Variants in FRMPD4 observed in about 807,000 individuals in gnomAD.
The protein encoded by FRMPD4 is FERM and PDZ domain containing 4, also known as FERM and PDZ domain-containing protein 4.
FRMPD4 carries 22 observed loss-of-function variants against 94.1 expected under a neutral mutation model. The ratio of observed to expected loss-of-function variants is 0.23; its 90% CI spans 0.17 to 0.33. The LOEUF (loss-of-function observed/expected upper bound fraction) is 0.33, where lower values mean the gene tolerates loss of function less well. Ranked by LOEUF, FRMPD4 falls within the 10% of genes least tolerant of loss-of-function variation. The pLI, the probability that FRMPD4 is intolerant of heterozygous loss-of-function variation, is 1.00. For missense variants in FRMPD4, 1,111 were observed against 1,339.9 expected (o/e 0.83, Z 2.67); for synonymous variants, 631 against 548.6 (o/e 1.15, Z -2.10).
At chrX:12,336,980 C>T (rs1304020392) in intron 1 of FRMPD4, among the ~76,000 whole-genome samples, 3 of 110,886 alleles carry the variant, frequency 2.7e-5, no homozygotes, top group African/African-American at 9.9e-5. Context: ...TTGAGTGGGA[C>T]TGAACACTGC....
chrX:12,533,597 T>C (rs2058308114), intron 2 of FRMPD4, among the ~76,000 whole-genome samples: 1 of 111,767 alleles, frequency 8.9e-6, no homozygotes, highest in Non-Finnish European at 1.9e-5. Context: ...CAGGCTGAAG[T>C]AGTCTGAGAA....
intron 1 of FRMPD4, among the ~76,000 whole-genome samples, chrX:11,849,368 C>T (rs757677637): frequency 1.1e-4 from 12 of 111,513 alleles, no homozygotes; most frequent in Non-Finnish European, 1.3e-4. Flanking sequence ...CAGATTTAAT[C>T]CAAGCCCTAT....
At chrX:12,236,775 T>C (rs12557974) in intron 1 of FRMPD4, among the ~76,000 whole-genome samples, 1,198 of 112,318 alleles carry the variant, frequency 0.011, 42 homozygotes, top group East Asian at 0.094. Flanking sequence ...CTGCAGTTCC[T>C]AGCATATTGC....
At chrX:12,690,351 G>A (rs767775059) in intron 8 of FRMPD4, 25 bp downstream of exon 8, 1 of 1,193,469 alleles carries the variant, frequency 8.4e-7, no homozygotes, top group South Asian at 1.8e-5. Flanking sequence ...ACCCTCAAGT[G>A]ATGAGGCTGC....
intron 1 of FRMPD4, among the ~76,000 whole-genome samples, chrX:12,416,848 CA>C (rs1163512145): frequency 1.8e-5 from 2 of 111,682 alleles, no homozygotes; most frequent in African/African-American, 6.5e-5. Flanking sequence ...GAAGTCACAC[CA>C]TACATTTTGT....
chrX:11,906,386 A>T (rs1387905933), intron 3 of FRMPD4, among the ~76,000 whole-genome samples: 1 of 110,538 alleles, frequency 9.0e-6, no homozygotes, highest in Non-Finnish European at 1.9e-5. Flanking sequence ...TGACCTTGTG[A>T]TCTGCCTGCC....
intron 1 of FRMPD4, among the ~76,000 whole-genome samples, chrX:12,406,227 A>C (rs1255287086): frequency 9.0e-6 from 1 of 111,434 alleles, no homozygotes; most frequent in Non-Finnish European, 1.9e-5. Context: ...CACTGAGGTT[A>C]AGAAACCCTG....
chrX:12,414,572 C>G (rs188781307), intron 1 of FRMPD4, among the ~76,000 whole-genome samples: 134 of 111,676 alleles, frequency 1.2e-3, no homozygotes, highest in Non-Finnish European at 1.8e-3. Context: ...CTATTACGGA[C>G]AGGACTAAGG....
At chrX:12,186,079 A>C (rs1028795167) in intron 1 of FRMPD4, among the ~76,000 whole-genome samples, 5 of 111,658 alleles carry the variant, frequency 4.5e-5, no homozygotes, top group African/African-American at 1.6e-4. Context: ...TATTGTTTGC[A>C]TGCAGTTCCT....
chrX:12,323,362 T>C (rs2055238811), intron 1 of FRMPD4, among the ~76,000 whole-genome samples: 1 of 112,062 alleles, frequency 8.9e-6, no homozygotes, highest in African/African-American at 3.2e-5. Context: ...GCTTTTGGGC[T>C]CTTCATAGCA....
intron 1 of FRMPD4, among the ~76,000 whole-genome samples, chrX:12,189,836 C>T (rs1420599652): frequency 6.3e-5 from 7 of 111,149 alleles, no homozygotes; most frequent in African/African-American, 2.0e-4. Context: ...AAGATGTGTC[C>T]TCTCACCACT....
chrX:12,340,555 A>G (rs2055596016), intron 1 of FRMPD4, among the ~76,000 whole-genome samples: 1 of 111,783 alleles, frequency 8.9e-6, no homozygotes, highest in African/African-American at 3.2e-5. Context: ...ATCTTAGCTG[A>G]GAAGTACATG....
intron 3 of FRMPD4, among the ~76,000 whole-genome samples, chrX:12,000,305 A>G (rs1040651619): frequency 2.7e-5 from 3 of 111,933 alleles, no homozygotes; most frequent in Non-Finnish European, 5.6e-5. Context: ...ATTTTGTTAC[A>G]TGGAGATAAA....
intron 1 of FRMPD4, among the ~76,000 whole-genome samples, chrX:12,191,009 AT>A (rs1268331727): frequency 1.3e-5 from 1 of 78,812 alleles, no homozygotes; most frequent in African/African-American, 4.5e-5. Context: ...GACATATTTG[AT>A]AAAGAACTGT....
chrX:12,382,205 T>G (rs760586056), intron 1 of FRMPD4, among the ~76,000 whole-genome samples: 2 of 111,717 alleles, frequency 1.8e-5, no homozygotes, highest in Non-Finnish European at 3.8e-5. Flanking sequence ...AAGACATGCT[T>G]AGGAGAAATG....
At chrX:12,664,788 C>T (rs894938182) in intron 4 of FRMPD4, among the ~76,000 whole-genome samples, 2 of 111,696 alleles carry the variant, frequency 1.8e-5, no homozygotes, top group African/African-American at 6.5e-5. Flanking sequence ...GTACCAGCTC[C>T]TCTTTGTAAC....
chrX:11,841,497 G>T (rs2053536371), intron 1 of FRMPD4, among the ~76,000 whole-genome samples: 1 of 108,393 alleles, frequency 9.2e-6, no homozygotes, highest in Non-Finnish European at 1.9e-5. Flanking sequence ...CTGATGGCCA[G>T]TGATGGTGAG....
intron 5 of FRMPD4, among the ~76,000 whole-genome samples, chrX:12,675,840 A>G (rs186644681): frequency 1.8e-5 from 2 of 111,154 alleles, no homozygotes; most frequent in African/African-American, 6.6e-5. Flanking sequence ...TTCTATATCA[A>G]TTAAAGTGCT....
At chrX:12,065,635 T>C (rs1366418083) in intron 3 of FRMPD4, among the ~76,000 whole-genome samples, 1 of 111,944 alleles carries the variant, frequency 8.9e-6, no homozygotes, top group African/African-American at 3.2e-5. Flanking sequence ...TGGCTGTTCT[T>C]GTTTCTGCTT....
Sources: allele counts gnomAD v4.1 joint callset (sites outside exome capture counted in the v4.1 genomes callset), GRCh38; gene constraint gnomAD v4.1.1; transcripts MANE v1.5; gene names NCBI Gene and HGNC (gene_info 2026-07-23, HGNC 2026-07-21).